Variants in CPZ observed in about 807,000 individuals in gnomAD.
CPZ encodes VEZT/CPZ fusion.
Under a neutral mutation model 61.8 loss-of-function variants are expected in CPZ, and 103 were observed. The observed-to-expected ratio is 1.67, with a 90% CI of 1.42 to 1.96. The LOEUF (loss-of-function observed/expected upper bound fraction) is 1.96. CPZ is among the 30% of genes most tolerant of loss of function. The probability of loss-of-function intolerance (pLI) is 0.00; values close to 1 mark genes in which losing one functional copy is unlikely to be tolerated. For synonymous variants in CPZ, 551 were observed against 373.7 expected (o/e 1.47, Z -5.47); for missense variants, 1,461 against 914.9 (o/e 1.60, Z -7.70).
chr4:8,610,110 C>G (rs1381112595), intron 7 of CPZ, among the ~76,000 whole-genome samples: 1 of 152,208 alleles, frequency 6.6e-6, no homozygotes, highest in Non-Finnish European at 1.5e-5. Flanking sequence ...AGCCAGTTTC[C>G]CAAGGGCTTC....
At chr4:8,613,045 A>C (rs1368216234) in intron 8 of CPZ, among the ~76,000 whole-genome samples, 1 of 152,094 alleles carries the variant, frequency 6.6e-6, no homozygotes, top group Non-Finnish European at 1.5e-5. Flanking sequence ...GAACCCAGGC[A>C]GAGGGCCCTC....
chr4:8,609,098 A>ACTCACTCCCTTC (rs1560297815), intron 7 of CPZ, among the ~76,000 whole-genome samples: 1 of 9,680 alleles, frequency 1.0e-4, no homozygotes, highest in Non-Finnish European at 3.3e-4. Context: ...CCATTCACTC[A>ACTCACTCCCTTC]CTCACTCCCT....
chr4:8,607,544 A>C, intron 7 of CPZ, 119 bp downstream of exon 7: 1 of 1,216,390 alleles, frequency 8.2e-7, no homozygotes, highest in Non-Finnish European at 1.1e-6. Context: ...CTCTACTCAG[A>C]GCGGGTCAGC....
chr4:8,609,301 CCATT>C (rs1179881496), intron 7 of CPZ, among the ~76,000 whole-genome samples: 4 of 131,494 alleles, frequency 3.0e-5, no homozygotes, highest in Non-Finnish European at 3.3e-5. Context: ...AGTCATTCAT[CCATT>C]CACTCATGCA....
intron 7 of CPZ, among the ~76,000 whole-genome samples, chr4:8,609,328 C>G (rs1715439739): frequency 6.8e-6 from 1 of 146,248 alleles, no homozygotes; most frequent in Admixed American, 7.0e-5. Context: ...TATTCACTCA[C>G]TTTTTCACTC....
At chr4:8,610,203 C>G (rs901142458) in intron 7 of CPZ, among the ~76,000 whole-genome samples, 1 of 152,236 alleles carries the variant, frequency 6.6e-6, no homozygotes, top group South Asian at 2.1e-4. Context: ...AGCTTCCCTG[C>G]TCCCGCCTGG....
At position 8,607,471 on chromosome 4, in the gene CPZ, C is replaced by T. The variant is rs137905296; in HGVS notation, c.1227+46C>T. 2,395 of 1,595,088 alleles carry T rather than the reference C, an allele frequency of 1.5e-3. 18 individuals carry two copies. In the African/African-American group the frequency reaches 0.022, roughly 14 times the overall value. The stretch of plus-strand genomic sequence containing the variant: ...GTGCAGGGGAGGGAGACAGTGTGCG[C>T]GGTCCCCTTGGAGCTGGTGCCCCTC... On this transcript the variant is annotated intron_variant, in intron 7 of 10. Transcript: ENST00000360986.
rs747960397 is a variant in CPZ, at chr4:8,601,518, C to A, written c.496+21C>A. The A allele has an allele frequency of 2.1e-5, 30 of 1,444,252 alleles. No individual in the cohort carries two copies. In the South Asian group the frequency reaches 4.4e-4, roughly 21 times the overall value. 89.5% of individuals were successfully genotyped at this position (1,444,252 alleles called of 1,614,324 possible). On this transcript the variant is annotated intron_variant, in intron 3 of 10. Coordinates refer to ENST00000360986, the MANE Select transcript of CPZ (RefSeq NM_001014447.3). ...TCGGGGTAAGGGAAAGTGGCGGGGG[C>A]CTGTGTGGTCATGGGGTCCAGGTGG...
intron 7 of CPZ, among the ~76,000 whole-genome samples, chr4:8,609,584 C>T (rs1004998307): frequency 3.0e-4 from 45 of 147,766 alleles, no homozygotes; most frequent in Non-Finnish European, 5.3e-4. Flanking sequence ...GGGGCCATGG[C>T]TGGGCAGGGC....
chr4:8,600,350 C>A (rs1294116705), intron 2 of CPZ, among the ~76,000 whole-genome samples: 1 of 152,144 alleles, frequency 6.6e-6, no homozygotes, highest in Non-Finnish European at 1.5e-5. Flanking sequence ...TGAGACGTGG[C>A]AAAATGTCAT....
intron 9 of CPZ, among the ~76,000 whole-genome samples, chr4:8,617,747 C>T (rs1160913125): frequency 1.3e-5 from 2 of 152,182 alleles, no homozygotes; most frequent in South Asian, 4.1e-4. Flanking sequence ...CCTTCAGCAT[C>T]CTTGGACCCC....
At chr4:8,618,892 C>A (rs764563029) in intron 10 of CPZ, among the ~76,000 whole-genome samples, 2 of 152,056 alleles carry the variant, frequency 1.3e-5, no homozygotes, top group African/African-American at 4.8e-5. Context: ...CAGCCCTGTG[C>A]GGGCTCTGGC....
chr4:8,617,628 T>C (rs1168482028), intron 9 of CPZ, among the ~76,000 whole-genome samples: 1 of 152,198 alleles, frequency 6.6e-6, no homozygotes, highest in Non-Finnish European at 1.5e-5. Context: ...CTGGGAGCCC[T>C]TTCCCTTGAG....
chr4:8,619,661 C>G lies in CPZ; in HGVS notation c.*44C>G. 1 of 1,386,998 alleles carries G rather than the reference C, an allele frequency of 7.2e-7. No individual in the cohort carries two copies. The highest frequency in any genetic ancestry group is 1.6e-5 in the South Asian group (1 of 61,282). 85.9% of individuals were successfully genotyped at this position (1,386,998 alleles called of 1,614,324 possible). A position where few individuals can be genotyped will look rare whatever the true frequency, so the allele number is the denominator to read the frequency against. On this transcript the variant is annotated 3_prime_UTR_variant, in exon 11 of 11. Coordinates refer to ENST00000360986, the MANE Select transcript of CPZ (RefSeq NM_001014447.3). The stretch of plus-strand genomic sequence containing the variant: ...CCAGGATGTGGAGACCGAGGCCCAT[C>G]TCCGCATCCCGGGCTCCTGGCTCTT...
chr4:8,619,509 C>T lies in CPZ; in HGVS notation c.1851C>T (p.Asp617=), dbSNP rs147028522. 6.9e-6 allele frequency: 11 copies of T among 1,601,490 alleles called. No homozygotes were observed. The highest frequency in any genetic ancestry group is 9.4e-6 in the Non-Finnish European group (11 of 1,172,438). The change falls in exon 11 of 11, where the codon GAC becomes GAT. Residue 617 remains aspartate, a synonymous_variant. Coordinates refer to ENST00000360986, the MANE Select transcript of CPZ (RefSeq NM_001014447.3). ...CTTTGGGGGAGGCCACGGAGCCCGA[C>T]CCGCTCCGGGCGCGCAGGCAGCCCT... ...ASSLGEATEP[D]PLRARRQPSA... is the part of the protein sequence containing the mutation.
intron 9 of CPZ, among the ~76,000 whole-genome samples, chr4:8,615,171 G>A (rs1452628849): frequency 6.6e-6 from 1 of 152,088 alleles, no homozygotes; most frequent in Non-Finnish European, 1.5e-5. Context: ...CTACTATCGT[G>A]AGGCTGAGGT....
chr4:8,602,160 C>G (rs999939335), intron 3 of CPZ: 2 of 152,420 alleles, frequency 1.3e-5, no homozygotes, highest in Non-Finnish European at 2.9e-5. Flanking sequence ...CCACTTGTCT[C>G]TGAGGTGTGC....
chr4:8,601,132 T>C lies in CPZ; in HGVS notation c.131T>C (p.Val44Ala). Residue 44 changes from valine to alanine, a missense_variant, in exon 3 of 11, where the codon GTG (valine) becomes GCG (alanine). Coordinates refer to ENST00000360986, the MANE Select transcript of CPZ (RefSeq NM_001014447.3). ...GACCCTGCCTCCCCAGCCACCTGCG[T>C]GGACCTGCAGCTCAGGACCTGCAGC... Reference protein sequence around the residue: ...RPPAADSATCVDLQLRTCSDA... With the variant: ...RPPAADSATCADLQLRTCSDA... The C allele has an allele frequency of 6.4e-7, 1 of 1,572,814 alleles. No homozygotes were observed.
At chr4:8,608,629 G>T (rs1258207200) in intron 7 of CPZ, among the ~76,000 whole-genome samples, 2 of 10,900 alleles carry the variant, frequency 1.8e-4, no homozygotes, top group Non-Finnish European at 4.4e-4. Context: ...CTGCAGGAGG[G>T]CTGTGAGTGC....
Sources: allele counts gnomAD v4.1 joint callset (sites outside exome capture counted in the v4.1 genomes callset), GRCh38; gene constraint gnomAD v4.1.1; transcripts MANE v1.5; gene names NCBI Gene and HGNC (gene_info 2026-07-23, HGNC 2026-07-21).